Variants in MAGI2 observed in about 807,000 individuals in gnomAD.
MAGI2 encodes the protein membrane-associated guanylate kinase, WW and PDZ domain-containing protein 2.
MAGI2 carries 35 observed loss-of-function variants against 133.3 expected under a neutral mutation model. The ratio of observed to expected loss-of-function variants is 0.26; its 90% CI spans 0.20 to 0.35. The LOEUF (loss-of-function observed/expected upper bound fraction) is 0.35, where lower values mean the gene tolerates loss of function less well. Ranked by LOEUF, MAGI2 falls within the 10% of genes least tolerant of loss-of-function variation. The pLI is 1.00. For synonymous variants in MAGI2, 729 were observed against 710.6 expected (o/e 1.03, Z -0.41); for missense variants, 1,636 against 1,863.4 (o/e 0.88, Z 2.25).
chr7:79,055,072 G>A (rs952608515), intron 1 of MAGI2, among the ~76,000 whole-genome samples: 5 of 152,226 alleles, frequency 3.3e-5, no homozygotes, highest in Non-Finnish European at 5.9e-5. Flanking sequence ...GGGATTACAG[G>A]CGTGAGCCAC....
At chr7:78,086,924 C>T (rs1816708689) in intron 20 of MAGI2, among the ~76,000 whole-genome samples, 1 of 152,204 alleles carries the variant, frequency 6.6e-6, no homozygotes, top group Non-Finnish European at 1.5e-5. Context: ...GCGTGAGCTA[C>T]TGCGTCTGGC....
chr7:78,303,411 C>T (rs1203961513), intron 9 of MAGI2, among the ~76,000 whole-genome samples: 2 of 149,756 alleles, frequency 1.3e-5, no homozygotes, highest in Non-Finnish European at 3.0e-5. Flanking sequence ...AAAGCTCCCT[C>T]CTCCTCCTGA....
chr7:78,241,092 GTATTTCCAGCACCTA>G (rs1467516671), intron 10 of MAGI2, among the ~76,000 whole-genome samples: 2 of 151,868 alleles, frequency 1.3e-5, no homozygotes, highest in East Asian at 3.9e-4. Context: ...GCTCATTGCC[GTATTTCCAGCACCTA>G]GACTAGTGCT....
intron 1 of MAGI2, among the ~76,000 whole-genome samples, chr7:79,168,301 CT>C (rs1201890033): frequency 9.9e-5 from 15 of 152,008 alleles, no homozygotes; most frequent in African/African-American, 3.4e-4. Context: ...CTTCAGTAAT[CT>C]TTGCGACCTT....
Position 78,868,350 on chromosome 7 carries a change from C to T in MAGI2, c.418+138740G>A, listed in dbSNP as rs201631504. On this transcript the variant is annotated intron_variant, in intron 2 of 21. Transcript: ENST00000354212. ...TATATGTACTTTATAAAGGAGAAAC[C>T]GAGGAACAGAGAGGGCAAGTAATAT... Among the ~76,000 whole-genome samples, 13 of 152,156 alleles carry T rather than the reference C, an allele frequency of 8.5e-5. No individual in the cohort carries two copies. The East Asian group carries it at 2.1e-3, about 25-fold the overall frequency.
At chr7:79,005,039 A>T (rs1352998546) in intron 2 of MAGI2, among the ~76,000 whole-genome samples, 1 of 151,352 alleles carries the variant, frequency 6.6e-6, no homozygotes, top group East Asian at 1.9e-4. Flanking sequence ...CTGAGATCGC[A>T]CCATTGCACT....
At chr7:78,693,808 T>A (rs1817217153) in intron 2 of MAGI2, among the ~76,000 whole-genome samples, 1 of 152,182 alleles carries the variant, frequency 6.6e-6, no homozygotes, top group African/African-American at 2.4e-5. Flanking sequence ...TCATTGCATT[T>A]CCTTCTATCT....
chr7:79,159,073 A>G (rs1031405612), intron 1 of MAGI2, among the ~76,000 whole-genome samples: 21 of 152,116 alleles, frequency 1.4e-4, no homozygotes, highest in Non-Finnish European at 1.0e-4. Flanking sequence ...TTAAATCTAT[A>G]AAGAAGTATG....
At chr7:78,884,015 T>G (rs1481238041) in intron 2 of MAGI2, among the ~76,000 whole-genome samples, 1 of 152,194 alleles carries the variant, frequency 6.6e-6, no homozygotes, top group Non-Finnish European at 1.5e-5. Flanking sequence ...GCGACCTGAT[T>G]AAACTATTGT....
At chr7:78,613,189 GA>G (rs977921537) in intron 3 of MAGI2, among the ~76,000 whole-genome samples, 5 of 152,086 alleles carry the variant, frequency 3.3e-5, no homozygotes, top group African/African-American at 7.2e-5. Flanking sequence ...ATCAGTTTCT[GA>G]ACATATAACA....
chr7:79,213,644 A>G (rs1462775981), intron 1 of MAGI2, among the ~76,000 whole-genome samples: 4 of 152,232 alleles, frequency 2.6e-5, no homozygotes, highest in Middle Eastern at 3.4e-3. Flanking sequence ...AGGTTTAAAA[A>G]AATAAATATG....
chr7:79,023,465 G>A (rs1315670661), intron 1 of MAGI2, among the ~76,000 whole-genome samples: 1 of 152,114 alleles, frequency 6.6e-6, no homozygotes, highest in Admixed American at 6.5e-5. Context: ...ATTTAACATA[G>A]TGCCGAAAAT....
chr7:78,273,830 T>A (rs1794809266), intron 9 of MAGI2, among the ~76,000 whole-genome samples: 1 of 152,182 alleles, frequency 6.6e-6, no homozygotes, highest in South Asian at 2.1e-4. Flanking sequence ...GGTTAGCAAT[T>A]CATCTAACCT....
At chr7:78,038,611 A>G (rs1009408036) in intron 21 of MAGI2, among the ~76,000 whole-genome samples, 4 of 152,168 alleles carry the variant, frequency 2.6e-5, no homozygotes, top group Admixed American at 6.5e-5. Context: ...CTGAATCTGC[A>G]TTTTAACAGG....
At chr7:78,761,549 T>TCTGCCTCCTGTGTTCAAACAATTCTC (rs1395043807) in intron 2 of MAGI2, among the ~76,000 whole-genome samples, 8 of 150,968 alleles carry the variant, frequency 5.3e-5, no homozygotes, top group African/African-American at 2.0e-4. Context: ...CACTGCAACC[T>TCTGCCTCCTGTGTTCAAACAATTCTC]CTGCCTCCTG....
intron 1 of MAGI2, among the ~76,000 whole-genome samples, chr7:79,333,002 C>A (rs73375170): frequency 1.9e-3 from 290 of 152,234 alleles, no homozygotes; most frequent in African/African-American, 6.5e-3. Flanking sequence ...CTTGGGCAGG[C>A]TGACGAAAAG....
intron 7 of MAGI2, among the ~76,000 whole-genome samples, chr7:78,357,513 C>G (rs1792209470): frequency 6.6e-6 from 1 of 152,094 alleles, no homozygotes; most frequent in South Asian, 2.1e-4. Context: ...ATATTATTCA[C>G]ATTATTTTGA....
At chr7:79,125,004 C>CAAGAG in intron 1 of MAGI2, 1 of 244,740 alleles carries the variant, frequency 4.1e-6, no homozygotes, top group Non-Finnish European at 8.1e-6. Context: ...AGGGCCAACT[C>CAAGAG]AAGAGAAGAT....
At chr7:78,585,578 G>A (rs1011311442) in intron 3 of MAGI2, among the ~76,000 whole-genome samples, 1 of 152,178 alleles carries the variant, frequency 6.6e-6, no homozygotes, top group Non-Finnish European at 1.5e-5. Flanking sequence ...GTGCAGCTGA[G>A]AGAGCAGCAC....
Sources: allele counts gnomAD v4.1 joint callset (sites outside exome capture counted in the v4.1 genomes callset), GRCh38; gene constraint gnomAD v4.1.1; transcripts MANE v1.5; gene names NCBI Gene and HGNC (gene_info 2026-07-23, HGNC 2026-07-21).